Variants in NRDC observed in about 807,000 individuals in gnomAD.
NRDC encodes nardilysin.
NRDC carries 54 observed loss-of-function variants against 147.1 expected under a neutral mutation model. The observed-to-expected ratio is 0.37, with a 90% CI of 0.29 to 0.46. The LOEUF (loss-of-function observed/expected upper bound fraction) is 0.46. NRDC is among the 20% of genes least tolerant of loss of function. The pLI, the probability that NRDC is intolerant of heterozygous loss-of-function variation, is 1.00. For synonymous variants in NRDC, 440 were observed against 482.1 expected (o/e 0.91, Z 1.14); for missense variants, 1,082 against 1,370.6 (o/e 0.79, Z 3.33).
At chr1:51,844,641 G>A (rs1681445059) in intron 1 of NRDC, among the ~76,000 whole-genome samples, 2 of 151,704 alleles carry the variant, frequency 1.3e-5, no homozygotes, top group Non-Finnish European at 2.9e-5. Flanking sequence ...CAGCTACTCG[G>A]GAGGCTGAGG....
intron 2 of NRDC, among the ~76,000 whole-genome samples, chr1:51,836,800 C>CTA (rs971153994): frequency 1.3e-5 from 2 of 152,008 alleles, no homozygotes; most frequent in Non-Finnish European, 2.9e-5. Context: ...TTTAAAGAGG[C>CTA]TTTTTAGTTC....
intron 22 of NRDC, chr1:51,797,903 G>A (rs938696180): frequency 1.0e-4 from 18 of 174,608 alleles, no homozygotes; most frequent in Non-Finnish European, 6.1e-5. Context: ...CCCAAGTAGC[G>A]GAGACTATAG....
rs751876477 is a variant in NRDC at position 51,790,664 on chromosome 1, AAG to A, written c.3052-17_3052-16del. 1.3e-6 allele frequency: 2 copies of A among 1,568,058 alleles called. No homozygotes were observed. The highest frequency in any genetic ancestry group is 2.2e-5 in the East Asian group (1 of 44,656). ...AGAGCTGTGACCTGTTCCCACCAAA[AAG>A]AAAGATGCTCAGGTGAGGCAACATA... On this transcript the variant is annotated splice_polypyrimidine_tract_variant and intron_variant, in intron 28 of 30. Coordinates refer to ENST00000352171, the MANE Select transcript of NRDC (RefSeq NM_001101662.2).
At chr1:51,860,374 A>T (rs1265148031) in intron 1 of NRDC, among the ~76,000 whole-genome samples, 1 of 152,230 alleles carries the variant, frequency 6.6e-6, no homozygotes, top group Non-Finnish European at 1.5e-5. Context: ...GAACTTTCTT[A>T]TCTGGAGACA....
intron 11 of NRDC, among the ~76,000 whole-genome samples, chr1:51,815,182 C>CTT (rs869244434): frequency 0.014 from 1,804 of 125,408 alleles, 44 homozygotes; most frequent in African/African-American, 0.051. Flanking sequence ...ACCTTTTTTT[C>CTT]TTTTTTTTTT....
chr1:51,858,006 A>G (rs1311151387), intron 1 of NRDC, among the ~76,000 whole-genome samples: 1 of 152,154 alleles, frequency 6.6e-6, no homozygotes, highest in Non-Finnish European at 1.5e-5. Context: ...CTCAGAAGAA[A>G]TAACTACTTA....
intron 1 of NRDC, among the ~76,000 whole-genome samples, chr1:51,843,258 C>T (rs923278545): frequency 6.7e-6 from 1 of 150,180 alleles, no homozygotes; most frequent in African/African-American, 2.5e-5. Context: ...AAGCTCTCTG[C>T]TATCCACTTG....
chr1:51,798,553 C>T (rs1394389699), intron 21 of NRDC, 142 bp from the exon 22 acceptor site: 24 of 681,098 alleles, frequency 3.5e-5, no homozygotes, highest in Non-Finnish European at 5.7e-5. Flanking sequence ...GATGGGAAAA[C>T]AGTATCAGAT....
intron 16 of NRDC, among the ~76,000 whole-genome samples, chr1:51,809,914 AAAAG>A (rs1050989904): frequency 2.0e-5 from 3 of 151,970 alleles, no homozygotes; most frequent in African/African-American, 4.8e-5. Context: ...TCAAAAAAAA[AAAAG>A]AAAAGAAAAA....
rs771614223 is a variant in NRDC at position 51,834,186 on chromosome 1, A to G, written c.713-16T>C. ...ATGAATACCACTAAATGGAAAGAAC[A>G]CAAAGTCACACAACACAAAGATATA... On this transcript the variant is annotated splice_polypyrimidine_tract_variant and intron_variant, in intron 3 of 30. Coordinates refer to ENST00000352171, the MANE Select transcript of NRDC (RefSeq NM_001101662.2). 6 of 1,612,618 alleles carry G rather than the reference A, an allele frequency of 3.7e-6. No homozygotes were observed. In the Admixed American group the frequency reaches 5.0e-5, roughly 13 times the overall value.
At chr1:51,873,473 T>C (rs1218887808) in intron 1 of NRDC, among the ~76,000 whole-genome samples, 1 of 145,348 alleles carries the variant, frequency 6.9e-6, no homozygotes, top group Non-Finnish European at 1.5e-5. Context: ...CTATAATATA[T>C]GGAATTTTTA....
chr1:51,791,706 G>A (rs765773513), intron 26 of NRDC, 45 bp from the exon 27 acceptor site: 6 of 1,485,430 alleles, frequency 4.0e-6, no homozygotes, highest in Admixed American at 3.3e-5. Context: ...GTGATCATCT[G>A]GGCCCTGGCC....
At chr1:51,863,854 C>T (rs1431274225) in intron 1 of NRDC, among the ~76,000 whole-genome samples, 1 of 152,214 alleles carries the variant, frequency 6.6e-6, no homozygotes, top group Admixed American at 6.5e-5. Flanking sequence ...TGCTCCTCGA[C>T]TTACAACAGG....
chr1:51,817,818 G>T (rs141092858), intron 10 of NRDC, among the ~76,000 whole-genome samples: 173 of 152,222 alleles, frequency 1.1e-3, no homozygotes, highest in African/African-American at 3.9e-3. Context: ...ACAAAAGTTA[G>T]CATTCACACT....
intron 1 of NRDC, among the ~76,000 whole-genome samples, chr1:51,874,323 C>A (rs1479581590): frequency 1.3e-5 from 2 of 151,768 alleles, no homozygotes; most frequent in Non-Finnish European, 2.9e-5. Context: ...CAGAATGCAC[C>A]ACAGCCAGGC....
chr1:51,791,092 A>T, intron 27 of NRDC, 102 bp from the exon 28 acceptor site: 1 of 784,558 alleles, frequency 1.3e-6, no homozygotes, highest in East Asian at 2.6e-5. Flanking sequence ...ATTAAGACTA[A>T]GACATATATC....
intron 1 of NRDC, among the ~76,000 whole-genome samples, chr1:51,848,027 T>A (rs1272391930): frequency 6.6e-6 from 1 of 152,254 alleles, no homozygotes; most frequent in Non-Finnish European, 1.5e-5. Context: ...AACCTACACA[T>A]AAAGCCCTTA....
rs1296425005 is a variant in NRDC at position 51,878,053 on chromosome 1, C to T, written c.341+222G>A. 16 of 1,401,242 alleles carry T rather than the reference C, an allele frequency of 1.1e-5. No homozygotes were observed. In the East Asian group the frequency reaches 3.6e-4, roughly 32 times the overall value. The allele number at this position is 1,401,242 out of a possible 1,614,324, so 86.8% of individuals were successfully genotyped here. A position where few individuals can be genotyped will look rare whatever the true frequency, so the allele number is the denominator to read the frequency against. On this transcript the variant is annotated intron_variant, in intron 1 of 30. Transcript: ENST00000352171. ...GACTGTATTCAAATGACTCGAAAAG[C>T]TTCTCCCATTCTGACGTCTTACAAC...
intron 20 of NRDC, among the ~76,000 whole-genome samples, chr1:51,802,874 A>C (rs754352354): frequency 2.6e-4 from 39 of 152,168 alleles, no homozygotes; most frequent in Admixed American, 3.9e-4. Flanking sequence ...CTACCCAAGA[A>C]ACCTAGATAT....
Sources: allele counts gnomAD v4.1 joint callset (sites outside exome capture counted in the v4.1 genomes callset), GRCh38; gene constraint gnomAD v4.1.1; transcripts MANE v1.5; gene names NCBI Gene and HGNC (gene_info 2026-07-23, HGNC 2026-07-21).